The following BTBD10 variants were observed in gnomAD, a reference collection of about 807,000 sequenced individuals.
The protein encoded by BTBD10 is BTB/POZ domain-containing protein 10.
BTBD10 carries 21 observed loss-of-function variants against 53.2 expected under a neutral mutation model. The ratio of observed to expected loss-of-function variants is 0.39; its 90% CI spans 0.28 to 0.57. The LOEUF (loss-of-function observed/expected upper bound fraction) is 0.57. Among genes scored for constraint, BTBD10 ranks in the 20% least tolerant of loss-of-function variants. The pLI is 0.53. For synonymous variants in BTBD10, 149 were observed against 192.7 expected (o/e 0.77, Z 1.88); for missense variants, 360 against 594.7 (o/e 0.61, Z 4.10).
chr11:13,455,456 T>G (rs1950945101), intron 1 of BTBD10, among the ~76,000 whole-genome samples: 1 of 152,256 alleles, frequency 6.6e-6, no homozygotes, highest in African/African-American at 2.4e-5. Flanking sequence ...AATAAATGTT[T>G]GAAAATCTTT....
intron 1 of BTBD10, chr11:13,462,558 T>TG (rs1056778003): frequency 2.0e-5 from 3 of 152,212 alleles, no homozygotes; most frequent in Non-Finnish European, 4.4e-5. Flanking sequence ...TCAGGGCACC[T>TG]GCATCTGAAG....
chr11:13,433,263 G>A (rs1331435976), intron 2 of BTBD10, among the ~76,000 whole-genome samples: 1 of 152,104 alleles, frequency 6.6e-6, no homozygotes, highest in East Asian at 1.9e-4. Context: ...TAATGGAGCT[G>A]ACCATAAAGA....
chr11:13,454,698 A>T lies in BTBD10; in HGVS notation c.-58+8394T>A, dbSNP rs537295000. ...GAGACCCCCAGGTCTAAAAATAAAA[A>T]AATAAATTAAATAAAAATTTTAAAA... On this transcript the variant is annotated intron_variant, in intron 1 of 8. Coordinates refer to ENST00000278174, the MANE Select transcript of BTBD10 (RefSeq NM_032320.7). 3.3e-5 allele frequency among the ~76,000 whole-genome samples: 5 copies of T among 152,010 alleles called. No individual in the cohort carries two copies. In the South Asian group the frequency reaches 1.0e-3, roughly 31 times the overall value.
intron 6 of BTBD10, among the ~76,000 whole-genome samples, chr11:13,407,310 C>T (rs1297775138): frequency 6.6e-6 from 1 of 152,122 alleles, no homozygotes; most frequent in Non-Finnish European, 1.5e-5. Context: ...CTAATTCAGT[C>T]TTCTGTATTC....
chr11:13,452,356 C>G (rs1024133848), intron 1 of BTBD10, among the ~76,000 whole-genome samples: 2 of 152,108 alleles, frequency 1.3e-5, no homozygotes, highest in Admixed American at 6.6e-5. Context: ...GAGTGATGAA[C>G]TATTCTGTAC....
chr11:13,438,651 T>A (rs904742130), intron 2 of BTBD10, among the ~76,000 whole-genome samples: 2 of 151,996 alleles, frequency 1.3e-5, no homozygotes, highest in Admixed American at 6.6e-5. Context: ...TTTAGATTTT[T>A]ATATATACAC....
intron 1 of BTBD10, chr11:13,459,771 A>G (rs1461455398): frequency 6.6e-6 from 1 of 152,242 alleles, no homozygotes; most frequent in Admixed American, 6.5e-5. Context: ...GTATAGCCTA[A>G]GAATTGAGAG....
intron 2 of BTBD10, among the ~76,000 whole-genome samples, chr11:13,438,625 A>G (rs1189633265): frequency 1.3e-5 from 2 of 151,978 alleles, no homozygotes; most frequent in Non-Finnish European, 2.9e-5. Context: ...TGCCTTTTTA[A>G]GTGCATATGT....
At chr11:13,438,144 C>T (rs940572126) in intron 2 of BTBD10, among the ~76,000 whole-genome samples, 28 of 152,012 alleles carry the variant, frequency 1.8e-4, no homozygotes, top group Non-Finnish European at 2.4e-4. Flanking sequence ...ATTATTCTTA[C>T]ATTAAATGTA....
chr11:13,403,286 C>A lies in BTBD10; in HGVS notation c.1007-8G>T. ...ATTTTGTGCTATAAATAACTAGAAA[C>A]AAAAAGAAAAATATTATTGTATTAA... On this transcript the variant is annotated splice_polypyrimidine_tract_variant and splice_region_variant and intron_variant, in intron 7 of 8. Coordinates refer to ENST00000278174, the MANE Select transcript of BTBD10 (RefSeq NM_032320.7). 4.6e-6 allele frequency: 6 copies of A among 1,316,318 alleles called. No homozygotes were observed. Among genetic ancestry groups the A allele is most frequent in the East Asian group, 2.5e-5 (1 of 39,260 alleles). The allele number at this position is 1,316,318 out of a possible 1,614,324, so 81.5% of individuals were successfully genotyped here.
chr11:13,424,131 A>T (rs1950293007), intron 2 of BTBD10, among the ~76,000 whole-genome samples: 1 of 152,210 alleles, frequency 6.6e-6, no homozygotes, highest in Non-Finnish European at 1.5e-5. Context: ...TAACTCTTCA[A>T]ATTATTCTGG....
intron 2 of BTBD10, among the ~76,000 whole-genome samples, chr11:13,436,802 GAA>G (rs952612725): frequency 6.6e-6 from 1 of 151,676 alleles, no homozygotes; most frequent in Non-Finnish European, 1.5e-5. Flanking sequence ...TTTTTTTTGA[GAA>G]AGAGTCTCAC....
In BTBD10 at chr11:13,463,085, CACTCACTCTCGA is replaced by C. The variant is rs925406669; in HGVS notation, c.-63_-58+6del. On this transcript the variant is annotated splice_donor_variant and splice_donor_5th_base_variant and 5_prime_UTR_variant and intron_variant, in exon 1 of 9. Transcript: ENST00000278174. LOFTEE classifies it low-confidence loss of function (5UTR_SPLICE). ...CCCCGCCGAGTTCCCCAGCTGAGTCCACTCACTCTCGAACCTGTAGTCCCCCTTCAGTGCCCA... is the reference window on the plus strand; with the variant it reads ...CCCCGCCGAGTTCCCCAGCTGAGTCCACCTGTAGTCCCCCTTCAGTGCCCA... 6.5e-6 allele frequency: 1 copy of C among 152,948 alleles called. No individual in the cohort carries two copies. The highest frequency in any genetic ancestry group is 2.4e-5 in the African/African-American group (1 of 41,454). 9.5% of individuals were successfully genotyped at this position (152,948 alleles called of 1,614,324 possible).
intron 8 of BTBD10, among the ~76,000 whole-genome samples, chr11:13,401,152 T>TAC (rs957578652): frequency 3.3e-5 from 5 of 150,298 alleles, no homozygotes; most frequent in East Asian, 3.9e-4. Flanking sequence ...TATATATATA[T>TAC]ACACACACAC....
chr11:13,418,716 C>T (rs1950177564), intron 4 of BTBD10, among the ~76,000 whole-genome samples: 1 of 152,078 alleles, frequency 6.6e-6, no homozygotes, highest in South Asian at 2.1e-4. Flanking sequence ...TAGTAAAGTA[C>T]AAGTTTTTAT....
chr11:13,419,883 T>A, intron 3 of BTBD10, 138 bp from the exon 4 acceptor site: 1 of 871,410 alleles, frequency 1.1e-6, no homozygotes, highest in Non-Finnish European at 1.7e-6. Flanking sequence ...AAATAAGATG[T>A]TAACAGAACA....
chr11:13,450,333 A>G (rs113808909), intron 1 of BTBD10, among the ~76,000 whole-genome samples: 3 of 152,188 alleles, frequency 2.0e-5, no homozygotes, highest in African/African-American at 7.2e-5. Context: ...ATCACTTGAT[A>G]CTGGCAGACA....
intron 5 of BTBD10, 58 bp downstream of exon 5, chr11:13,417,100 C>T (rs1462004920): frequency 7.8e-7 from 1 of 1,283,874 alleles, no homozygotes. Flanking sequence ...TGCGTCTAAT[C>T]CAAGTACCTC....
At chr11:13,444,002 C>CA (rs1178363186) in intron 2 of BTBD10, among the ~76,000 whole-genome samples, 4 of 151,362 alleles carry the variant, frequency 2.6e-5, no homozygotes, top group Non-Finnish European at 4.4e-5. Context: ...CATAAAAAAC[C>CA]AAAAAAACAC....
Sources: gnomAD v4.1 joint callset for allele counts (sites outside exome capture counted in the v4.1 genomes callset) on GRCh38, gnomAD v4.1.1 for gene constraint, MANE v1.5 for transcripts, NCBI Gene and HGNC (gene_info 2026-07-23, HGNC 2026-07-21) for gene names.